KLHDC10: variants seen among roughly 807,000 people sequenced by gnomAD.
The protein encoded by KLHDC10 is kelch domain containing 10.
A neutral mutation model predicts 56.1 loss-of-function variants in KLHDC10; 24 were observed. The observed-to-expected ratio is 0.43, with a 90% CI of 0.31 to 0.60. The LOEUF (loss-of-function observed/expected upper bound fraction) is 0.60, where lower values mean the gene tolerates loss of function less well. KLHDC10 is among the 20% of genes least tolerant of loss of function. The pLI is 0.11. For missense variants in KLHDC10, 349 were observed against 567.0 expected, an observed-to-expected ratio of 0.62 and a Z score of 3.91; for synonymous variants, 188 against 207.1, an observed-to-expected ratio of 0.91 and a Z score of 0.79.
Position 130,102,313 on chromosome 7 carries a change from ATAAC to A in KLHDC10, c.253+5311_253+5314del, listed in dbSNP as rs1234744495. Among the ~76,000 whole-genome samples, 5 of 152,196 alleles carry A rather than the reference ATAAC, an allele frequency of 3.3e-5. No individual in the cohort carries two copies. The South Asian group carries it at 1.0e-3, about 32-fold the overall frequency. ...GTTGAGGAAACACATGTTTCTTATA[ATAAC>A]TAACCAATGTAGTCCTTCATTTATT... On this transcript the variant is annotated intron_variant, in intron 2 of 9. Transcript: ENST00000335420.
chr7:130,127,916 C>T (rs1796334426), intron 8 of KLHDC10, among the ~76,000 whole-genome samples: 1 of 152,196 alleles, frequency 6.6e-6, no homozygotes, highest in Non-Finnish European at 1.5e-5. Context: ...ACAACAAAGG[C>T]ATTGTATGGC....
chr7:130,098,541 A>T (rs917483409), intron 2 of KLHDC10, among the ~76,000 whole-genome samples: 10 of 152,164 alleles, frequency 6.6e-5, no homozygotes, highest in African/African-American at 2.4e-4. Context: ...CATTGTACAC[A>T]CATGGCCAAG....
At chr7:130,127,730 C>T (rs2116920062) in intron 8 of KLHDC10, among the ~76,000 whole-genome samples, 1 of 152,344 alleles carries the variant, frequency 6.6e-6, no homozygotes, top group Middle Eastern at 3.4e-3. Context: ...CACACCTCAA[C>T]AGATGTCTGT....
chr7:130,073,009 G>A (rs1182848885), intron 1 of KLHDC10, among the ~76,000 whole-genome samples: 1 of 152,052 alleles, frequency 6.6e-6, no homozygotes, highest in Non-Finnish European at 1.5e-5. Flanking sequence ...GCCTGTCTCA[G>A]CCTCCCAAAG....
rs1485170740 is a variant in KLHDC10 at position 130,133,644 on chromosome 7, A to C, written c.*2898A>C. ...AGTTGAGATTTTTTTTCTCCCTGTC[A>C]TCTTTGTACTCTCTCATGTTTGCAT... On this transcript the variant is annotated 3_prime_UTR_variant, in exon 10 of 10. Coordinates refer to ENST00000335420, the MANE Select transcript of KLHDC10 (RefSeq NM_014997.4). 6.6e-6 allele frequency: 1 copy of C among 151,148 alleles called. No homozygotes were observed. The highest frequency in any genetic ancestry group is 1.5e-5 in the Non-Finnish European group (1 of 67,556). 9.4% of individuals were successfully genotyped at this position (151,148 alleles called of 1,614,324 possible).
chr7:130,078,176 T>C (rs1795543423), intron 1 of KLHDC10, among the ~76,000 whole-genome samples: 1 of 151,610 alleles, frequency 6.6e-6, no homozygotes, highest in Admixed American at 6.6e-5. Flanking sequence ...GAGACCAGCT[T>C]GGCCAATATG....
At chr7:130,105,977 C>T (rs555147632) in intron 2 of KLHDC10, among the ~76,000 whole-genome samples, 1 of 152,122 alleles carries the variant, frequency 6.6e-6, no homozygotes, top group East Asian at 1.9e-4. Context: ...TGGTGAAATC[C>T]TACCTCTACT....
At position 130,131,347 on chromosome 7, in the gene KLHDC10, C is replaced by T. The variant is rs1378362590; in HGVS notation, c.*601C>T. 2 of 152,756 alleles carry T rather than the reference C, an allele frequency of 1.3e-5. No homozygotes were observed. Among genetic ancestry groups the T allele is most frequent in the African/African-American group, 4.8e-5 (2 of 41,426 alleles). The allele number at this position is 152,756 out of a possible 1,614,324, so 9.5% of individuals were successfully genotyped here. On this transcript the variant is annotated 3_prime_UTR_variant, in exon 10 of 10. Transcript: ENST00000335420. ...CAGATAACTCAAACCTACCCTTTGG[C>T]TTTGAAGGAAGGTTAAGCAGCCCAG...
chr7:130,128,804 C>G (rs1251089635), intron 8 of KLHDC10, among the ~76,000 whole-genome samples: 1 of 144,692 alleles, frequency 6.9e-6, no homozygotes, highest in Non-Finnish European at 1.5e-5. Flanking sequence ...CTTTGGGAGG[C>G]TGAGGCGGGA....
intron 4 of KLHDC10, 74 bp from the exon 5 acceptor site, chr7:130,121,980 A>T: frequency 7.8e-7 from 1 of 1,276,644 alleles, no homozygotes; most frequent in Admixed American, 2.4e-5. Context: ...CCTGATTTGG[A>T]GGTATCTGGT....
intron 2 of KLHDC10, among the ~76,000 whole-genome samples, chr7:130,112,127 G>C (rs533590107): frequency 1.3e-5 from 2 of 152,052 alleles, no homozygotes; most frequent in Admixed American, 1.3e-4. Context: ...TCATACATTT[G>C]TATACAAATA....
intron 1 of KLHDC10, among the ~76,000 whole-genome samples, chr7:130,093,820 CT>C (rs1457902114): frequency 6.6e-6 from 1 of 152,098 alleles, no homozygotes; most frequent in African/African-American, 2.4e-5. Context: ...TGCATACAGA[CT>C]TATGCTGGTT....
chr7:130,070,918 C>A, intron 1 of KLHDC10, 109 bp downstream of exon 1: 1 of 726,382 alleles, frequency 1.4e-6, no homozygotes, highest in Non-Finnish European at 1.9e-6. Flanking sequence ...GCAGGCCCCA[C>A]GCATAGCAGA....
chr7:130,087,917 C>T (rs1022019770), intron 1 of KLHDC10, among the ~76,000 whole-genome samples: 5 of 151,810 alleles, frequency 3.3e-5, no homozygotes, highest in African/African-American at 4.8e-5. Flanking sequence ...CTCGCCACCA[C>T]GCCTGGCTAA....
Position 130,070,780 on chromosome 7 carries a change from T to C in KLHDC10, c.137T>C (p.Val46Ala). The change falls in exon 1 of 10, where the codon GTG becomes GCG. Residue 46 changes from valine (V) to alanine (A), a missense_variant. Physicochemically the swap from Val to Ala is moderately conservative, Grantham distance 64 (BLOSUM62 0). Around this residue, in one of 2 missense-constraint regions of KLHDC10, gnomAD observed 104 missense variants for 97.0 expected, o/e 1.07. Transcript: ENST00000335420. ...GGGACTGGCCAGCTCAACCGCTTCG[T>C]GCAACTCTCCGGGCGGCCGCACCTG... ...GRGTGQLNRF[V>A]QLSGRPHLPG... 1 of 1,307,592 alleles carries C rather than the reference T, an allele frequency of 7.6e-7. No individual in the cohort carries two copies. 81.0% of individuals were successfully genotyped at this position (1,307,592 alleles called of 1,614,324 possible). A position where few individuals can be genotyped will look rare whatever the true frequency, so the allele number is the denominator to read the frequency against.
rs944885137 is a variant in KLHDC10, at chr7:130,135,117, T to C, written c.*4371T>C. 1 of 148,866 alleles carries C rather than the reference T, an allele frequency of 6.7e-6. No individual in the cohort carries two copies. Among genetic ancestry groups the C allele is most frequent in the Non-Finnish European group, 1.5e-5 (1 of 67,202 alleles). The allele number at this position is 148,866 out of a possible 1,614,324, so 9.2% of individuals were successfully genotyped here. On this transcript the variant is annotated 3_prime_UTR_variant, in exon 10 of 10. Transcript: ENST00000335420. Reference sequence around the variant, plus strand: ...AAAAAAAAAAAAAAAAAAAAACAACTTTTTATAAGTTTTTTAAGGGCCCTG... The same window carrying C: ...AAAAAAAAAAAAAAAAAAAAACAACCTTTTATAAGTTTTTTAAGGGCCCTG...
At chr7:130,112,308 G>A (rs1217863470) in intron 2 of KLHDC10, among the ~76,000 whole-genome samples, 1 of 152,152 alleles carries the variant, frequency 6.6e-6, no homozygotes, top group East Asian at 1.9e-4. Flanking sequence ...TGGGTAAAGA[G>A]CAAGTCCTTG....
At chr7:130,112,158 A>G (rs1196534793) in intron 2 of KLHDC10, among the ~76,000 whole-genome samples, 1 of 152,210 alleles carries the variant, frequency 6.6e-6, no homozygotes, top group Non-Finnish European at 1.5e-5. Context: ...AAGCTTTGTT[A>G]CAATATTATT....
chr7:130,099,196 T>A (rs1795896213), intron 2 of KLHDC10, among the ~76,000 whole-genome samples: 1 of 152,204 alleles, frequency 6.6e-6, no homozygotes, highest in South Asian at 2.1e-4. Flanking sequence ...TTCTTCCTGC[T>A]CCCTCAAGGT....
Sources: gnomAD v4.1 joint callset for allele counts (sites outside exome capture counted in the v4.1 genomes callset) on GRCh38, gnomAD v4.1.1 for gene constraint, gnomAD v4.1.1 regional missense constraint, MANE v1.5 for transcripts, NCBI Gene and HGNC (gene_info 2026-07-23, HGNC 2026-07-21) for gene names.